Variants in PPM1K observed in about 807,000 individuals in gnomAD.
PPM1K encodes the protein protein phosphatase, Mg2+/Mn2+ dependent 1K.
In PPM1K, 19 loss-of-function variants were observed where a neutral mutation model predicts 32.6. The observed-to-expected ratio is 0.58, with a 90% CI of 0.41 to 0.86. PPM1K has a LOEUF of 0.86. PPM1K is among the 40% of genes least tolerant of loss of function. The pLI is 0.00. For synonymous variants in PPM1K, 159 were observed against 165.3 expected (o/e 0.96, Z 0.29); for missense variants, 362 against 461.2 (o/e 0.78, Z 1.97).
rs142579108 is a variant in PPM1K, at chr4:88,278,148, T to C, written c.436A>G (p.Ile146Val). The C allele has an allele frequency of 1.3e-5, 21 of 1,612,604 alleles. No homozygotes were observed. In the African/African-American group the frequency reaches 1.7e-4, roughly 13 times the overall value. ...AGTGAAAGTCATTGTACATACATAA[T>C]ACATTTCTCCATGTGGGTATGACAG... is the stretch of plus-strand genomic sequence containing the variant. Reference protein sequence around the residue: ...DFCHTHMEKCIMDLLPKEKNL... With the variant: ...DFCHTHMEKCVMDLLPKEKNL... The change falls in exon 2 of 7, where the codon ATT becomes GTT. Residue 146 changes from isoleucine (I) to valine (V), a missense_variant. Transcript: ENST00000608933. The surrounding 1 kb of genome is among the most constrained non-coding windows in gnomAD (Gnocchi z 4.2).
Position 88,278,099 on chromosome 4 carries a change from A to C in PPM1K, c.440+45T>G. 1 of 1,514,108 alleles carries C rather than the reference A, an allele frequency of 6.6e-7. No individual in the cohort carries two copies. Among genetic ancestry groups the C allele is most frequent in the Non-Finnish European group, 9.0e-7 (1 of 1,105,140 alleles). 93.8% of individuals were successfully genotyped at this position (1,514,108 alleles called of 1,614,324 possible). On this transcript the variant is annotated intron_variant, in intron 2 of 6. Transcript: ENST00000608933. This position sits in a 1 kb window ranked among gnomAD's most constrained non-coding sequence, Gnocchi z 4.2. ...GCCAAAGGGTGAAAGTTTAAGTAGGAAGTATAGGAACTGCAAAGTCAGGAG... is the reference window on the plus strand; with the variant it reads ...GCCAAAGGGTGAAAGTTTAAGTAGGCAGTATAGGAACTGCAAAGTCAGGAG...
chr4:88,257,753 G>T lies in PPM1K; in HGVS notation c.*4842C>A, dbSNP rs1371714671. On this transcript the variant is annotated 3_prime_UTR_variant, in exon 7 of 7. Coordinates refer to ENST00000608933, the MANE Select transcript of PPM1K (RefSeq NM_152542.5). ...CAGCAATTACATTAACTCACTGCAG[G>T]AGTCATTATACACTCAGGTAGTACT... The T allele has an allele frequency of 6.6e-6, 1 of 152,154 alleles. No individual in the cohort carries two copies. Among genetic ancestry groups the T allele is most frequent in the East Asian group, 1.9e-4 (1 of 5,194 alleles). The allele number at this position is 152,154 out of a possible 1,614,324, so 9.4% of individuals were successfully genotyped here.
At chr4:88,283,384 C>T (rs953998210) in intron 1 of PPM1K, among the ~76,000 whole-genome samples, 1 of 152,244 alleles carries the variant, frequency 6.6e-6, no homozygotes, top group Non-Finnish European at 1.5e-5. Flanking sequence ...TGATCACAGG[C>T]GTGAGCCATT....
intron 6 of PPM1K, among the ~76,000 whole-genome samples, chr4:88,263,837 C>T (rs1202126683): frequency 1.3e-5 from 2 of 152,144 alleles, no homozygotes; most frequent in African/African-American, 4.8e-5. Context: ...CACCTGGATA[C>T]TATTCCTAAG....
At position 88,260,410 on chromosome 4, in the gene PPM1K, T is replaced by C. The variant is rs1731074205; in HGVS notation, c.*2185A>G. 6.6e-6 allele frequency: 1 copy of C among 152,218 alleles called. No individual in the cohort carries two copies. Among genetic ancestry groups the C allele is most frequent in the Non-Finnish European group, 1.5e-5 (1 of 68,046 alleles). 9.4% of individuals were successfully genotyped at this position (152,218 alleles called of 1,614,324 possible). A position where few individuals can be genotyped will look rare whatever the true frequency, so the allele number is the denominator to read the frequency against. ...CGTTAGTTTTCCTTTGCCTGTTGGT[T>C]TGGAAATTCTCCATGTTCCTAAAGG... On this transcript the variant is annotated 3_prime_UTR_variant, in exon 7 of 7. Transcript: ENST00000608933.
rs1161043087 is a variant in PPM1K at position 88,265,260 on chromosome 4, G to T, written c.853-125C>A. 2.2e-5 allele frequency: 24 copies of T among 1,071,606 alleles called. No homozygotes were observed. The East Asian group carries it at 5.6e-4, about 25-fold the overall frequency. The allele number at this position is 1,071,606 out of a possible 1,614,324, so 66.4% of individuals were successfully genotyped here. A position where few individuals can be genotyped will look rare whatever the true frequency, so the allele number is the denominator to read the frequency against. On this transcript the variant is annotated intron_variant, in intron 5 of 6. Coordinates refer to ENST00000608933, the MANE Select transcript of PPM1K (RefSeq NM_152542.5). ...GTGTAACAGCTTGTAAGCTGATATG[G>T]TTTGGCTGTGTCCCCACCCAAATCT...
In PPM1K at chr4:88,261,691, T is replaced by C. The variant is rs1731119201; in HGVS notation, c.*904A>G. The C allele has an allele frequency of 6.6e-6, 1 of 150,696 alleles. No homozygotes were observed. Among genetic ancestry groups the C allele is most frequent in the African/African-American group, 2.4e-5 (1 of 41,088 alleles). The allele number at this position is 150,696 out of a possible 1,614,324, so 9.3% of individuals were successfully genotyped here. A position where few individuals can be genotyped will look rare whatever the true frequency, so the allele number is the denominator to read the frequency against. ...ACATCATCTGAATTAATTTCTTTTC[T>C]TTCTTTTTTTTTTTTTTTTTGAGAT... On this transcript the variant is annotated 3_prime_UTR_variant, in exon 7 of 7. Transcript: ENST00000608933.
intron 5 of PPM1K, among the ~76,000 whole-genome samples, chr4:88,265,826 T>C (rs1472023856): frequency 6.6e-6 from 1 of 152,214 alleles, no homozygotes; most frequent in Non-Finnish European, 1.5e-5. Flanking sequence ...CTTGATTTAA[T>C]TCCATAATTT....
Position 88,277,167 on chromosome 4 carries a change from T to G in PPM1K, c.517A>C (p.Ser173Arg), listed in dbSNP as rs771327099. The G allele has an allele frequency of 6.2e-7, 1 of 1,613,842 alleles. No homozygotes were observed. Among genetic ancestry groups the G allele is most frequent in the South Asian group, 1.1e-5 (1 of 91,068 alleles). The change falls in exon 3 of 7, where the codon AGT (serine) becomes CGT (arginine). Residue 173 changes from serine to arginine, a missense_variant. Coordinates refer to ENST00000608933, the MANE Select transcript of PPM1K (RefSeq NM_152542.5). ...AFLEIDKAFS[S>R]HARLSADATL... Reference sequence around the variant, plus strand: ...CCATCAGCAGACAGGCGGGCATGACTCGAAAAGGCTTTATCTATTTCTAGA... The same window carrying G: ...CCATCAGCAGACAGGCGGGCATGACGCGAAAAGGCTTTATCTATTTCTAGA...
In PPM1K at chr4:88,259,370, T is replaced by G. The variant is rs1041636357; in HGVS notation, c.*3225A>C. 2.6e-5 allele frequency: 4 copies of G among 152,188 alleles called. No homozygotes were observed. The highest frequency in any genetic ancestry group is 9.7e-5 in the African/African-American group (4 of 41,432). 9.4% of individuals were successfully genotyped at this position (152,188 alleles called of 1,614,324 possible). A position where few individuals can be genotyped will look rare whatever the true frequency, so the allele number is the denominator to read the frequency against. On this transcript the variant is annotated 3_prime_UTR_variant, in exon 7 of 7. Coordinates refer to ENST00000608933, the MANE Select transcript of PPM1K (RefSeq NM_152542.5). The stretch of plus-strand genomic sequence containing the variant: ...TATAAAGTACTTAAGAACTTATACT[T>G]GTGGAAAATCACAATGACAATGAAT...
At chr4:88,279,214 T>C (rs1273489229) in intron 1 of PPM1K, 1 of 152,272 alleles carries the variant, frequency 6.6e-6, no homozygotes, top group Non-Finnish European at 1.5e-5. Context: ...AACAGGCTAA[T>C]AGAATACTTA....
intron 1 of PPM1K, among the ~76,000 whole-genome samples, chr4:88,281,196 T>C (rs1731992114): frequency 6.6e-6 from 1 of 152,238 alleles, no homozygotes; most frequent in African/African-American, 2.4e-5. Flanking sequence ...AGCAAAATAC[T>C]ATTCTTTTGG....
In PPM1K at chr4:88,278,678, G is replaced by C; in HGVS notation, c.-59-36C>G. The C allele has an allele frequency of 1.0e-6, 1 of 974,310 alleles. No individual in the cohort carries two copies. Among genetic ancestry groups the C allele is most frequent in the Non-Finnish European group, 1.5e-6 (1 of 662,078 alleles). The allele number at this position is 974,310 out of a possible 1,614,324, so 60.4% of individuals were successfully genotyped here. Reference sequence around the variant, plus strand: ...AATGATGCAAGTCACAGGGGACAGAGGGAGAGAGGGGCAGAGGAGGAGAGG... The same window carrying C: ...AATGATGCAAGTCACAGGGGACAGACGGAGAGAGGGGCAGAGGAGGAGAGG... On this transcript the variant is annotated intron_variant, in intron 1 of 6. Transcript: ENST00000608933. The surrounding 1 kb of genome is among the most constrained non-coding windows in gnomAD (Gnocchi z 4.2).
rs780509865 is a variant in PPM1K at position 88,262,720 on chromosome 4, G to A, written c.994C>T (p.Gln332Ter). 2 of 1,601,578 alleles carry A rather than the reference G, an allele frequency of 1.2e-6. No homozygotes were observed. Among genetic ancestry groups the A allele is most frequent in the Admixed American group, 1.7e-5 (1 of 57,384 alleles). The change falls in exon 7 of 7, where the codon CAG becomes TAG. Residue 332 changes from glutamine to a stop codon, truncating the protein, a stop_gained. Coordinates refer to ENST00000608933, the MANE Select transcript of PPM1K (RefSeq NM_152542.5). LOFTEE classifies it high-confidence loss of function. ...AAHAVTEQAI[Q>*]YGTEDNSTAV... ...GTACTGTTATCCTCAGTACCGTACT[G>A]TATTGCCTGCAAGGTTTGGCAGGAA...
intron 1 of PPM1K, among the ~76,000 whole-genome samples, chr4:88,281,481 C>T (rs1250133300): frequency 6.6e-6 from 1 of 152,100 alleles, no homozygotes; most frequent in Non-Finnish European, 1.5e-5. Context: ...TTCTGTAAGG[C>T]TAAAAACCTG....
intron 3 of PPM1K, chr4:88,276,730 G>C (rs1254859508): frequency 1.5e-5 from 15 of 984,702 alleles, no homozygotes; most frequent in Non-Finnish European, 1.8e-5. Flanking sequence ...GTCCTCGCTA[G>C]ATGTGATTAC....
chr4:88,276,290 A>C (rs1246843094), intron 3 of PPM1K: 2 of 985,296 alleles, frequency 2.0e-6, no homozygotes, highest in African/African-American at 3.5e-5. Context: ...TTTTTTAAGA[A>C]AAGGATGAAC....
chr4:88,275,159 G>T, intron 3 of PPM1K: 1 of 530,714 alleles, frequency 1.9e-6, no homozygotes, highest in Non-Finnish European at 2.4e-6. Context: ...ATTAAATAAT[G>T]CATTTTAATT....
At position 88,259,979 on chromosome 4, in the gene PPM1K, CATCTT is replaced by C. The variant is rs1731058455; in HGVS notation, c.*2611_*2615del. ...CTTTGAACTTGACAACATCACTCCTCATCTTAGTTTTTAAAGTAAAAGATAGGAAT... is the reference window on the plus strand; with the variant it reads ...CTTTGAACTTGACAACATCACTCCTCAGTTTTTAAAGTAAAAGATAGGAAT... On this transcript the variant is annotated 3_prime_UTR_variant, in exon 7 of 7. Coordinates refer to ENST00000608933, the MANE Select transcript of PPM1K (RefSeq NM_152542.5). 1 of 152,214 alleles carries C rather than the reference CATCTT, an allele frequency of 6.6e-6. No homozygotes were observed. Among genetic ancestry groups the C allele is most frequent in the South Asian group, 2.1e-4 (1 of 4,830 alleles). 9.4% of individuals were successfully genotyped at this position (152,214 alleles called of 1,614,324 possible).
Sources: gnomAD v4.1 joint callset for allele counts (sites outside exome capture counted in the v4.1 genomes callset) on GRCh38, gnomAD v4.1.1 for gene constraint, Gnocchi (gnomAD v3.1) non-coding constraint, MANE v1.5 for transcripts, NCBI Gene and HGNC (gene_info 2026-07-23, HGNC 2026-07-21) for gene names.